The following SLURP2 variants were observed in gnomAD, a reference collection of about 807,000 sequenced individuals.
SLURP2 encodes secreted LY6/PLAUR domain containing 2, also known as secreted Ly-6/uPAR domain-containing protein 2.
Under a neutral mutation model 9.8 loss-of-function variants are expected in SLURP2, and 4 were observed. That is an observed-to-expected ratio of 0.41 (90% CI 0.20 to 0.94). The LOEUF is 0.94. SLURP2 is among the 40% of genes least tolerant of loss of function. The pLI, the probability that SLURP2 is intolerant of heterozygous loss-of-function variation, is 0.32. For synonymous variants in SLURP2, 58 were observed against 56.2 expected (o/e 1.03, Z -0.15); for missense variants, 118 against 126.4 (o/e 0.93, Z 0.32).
In SLURP2 at chr8:142,766,943, G is replaced by T. The variant is rs373284665; in HGVS notation, c.53-1803C>A. 7.0e-4 allele frequency among the ~76,000 whole-genome samples: 106 copies of T among 152,158 alleles called. 1 individual carries two copies. The highest frequency in any genetic ancestry group is 3.4e-3 in the Middle Eastern group (1 of 294). On this transcript the variant is annotated intron_variant, in intron 1 of 2. Transcript: ENST00000317543. ...GGCAGCCCAGCCTCAGGACACAGGAGCCCACGCCTGCCCTATCCCATCTCT... is the reference window on the plus strand; with the variant it reads ...GGCAGCCCAGCCTCAGGACACAGGATCCCACGCCTGCCCTATCCCATCTCT...
rs1206236431 is a variant in SLURP2 at position 142,768,892 on chromosome 8, C to T, written c.52+863G>A. ...CGCTCCACCCCCTGCTCATTCAGGG[C>T]CTGGGAGGCAGGGGCTGCCCAGGTC... On this transcript the variant is annotated intron_variant, in intron 1 of 2. Coordinates refer to ENST00000317543, the MANE Select transcript of SLURP2 (RefSeq NM_177458.3). The surrounding 1 kb of genome is among the most constrained non-coding windows in gnomAD (Gnocchi z 4.8). 6.6e-6 allele frequency among the ~76,000 whole-genome samples: 1 copy of T among 152,160 alleles called. No homozygotes were observed. The highest frequency in any genetic ancestry group is 2.4e-5 in the African/African-American group (1 of 41,448).
chr8:142,768,699 A>G lies in SLURP2; in HGVS notation c.52+1056T>C, dbSNP rs1469705904. Among the ~76,000 whole-genome samples, 1 of 152,110 alleles carries G rather than the reference A, an allele frequency of 6.6e-6. No individual in the cohort carries two copies. Among genetic ancestry groups the G allele is most frequent in the Non-Finnish European group, 1.5e-5 (1 of 67,994 alleles). ...CTTCTCCAGGTTAAGTCGAGTCCCC[A>G]GGCCCCTGTGTGTCTCGGACCTTCA... On this transcript the variant is annotated intron_variant, in intron 1 of 2. Coordinates refer to ENST00000317543, the MANE Select transcript of SLURP2 (RefSeq NM_177458.3). This position sits in a 1 kb window ranked among gnomAD's most constrained non-coding sequence, Gnocchi z 4.8.
intron 1 of SLURP2, among the ~76,000 whole-genome samples, chr8:142,769,173 G>T (rs1815093421): frequency 6.6e-6 from 1 of 151,644 alleles, no homozygotes; most frequent in African/African-American, 2.4e-5. Flanking sequence ...ATCTGAAGCT[G>T]GGGGGACAGG....
chr8:142,767,928 G>C (rs1269563972), intron 1 of SLURP2, among the ~76,000 whole-genome samples: 1 of 151,070 alleles, frequency 6.6e-6, no homozygotes, highest in African/African-American at 2.4e-5. Flanking sequence ...ATGAATGAAT[G>C]AATGAATTCC....
In SLURP2 at chr8:142,769,100, T is replaced by C. The variant is rs73362659; in HGVS notation, c.52+655A>G. 6.5e-3 allele frequency among the ~76,000 whole-genome samples: 984 copies of C among 151,878 alleles called. 9 individuals carry two copies. The highest frequency in any genetic ancestry group is 0.023 in the African/African-American group (951 of 41,400). ...TCTGCTGGGGGATGCCAAGGCCAGGTGTGCACAGCTGTGCTTGAGGGGTCA... is the reference window on the plus strand; with the variant it reads ...TCTGCTGGGGGATGCCAAGGCCAGGCGTGCACAGCTGTGCTTGAGGGGTCA... On this transcript the variant is annotated intron_variant, in intron 1 of 2. Transcript: ENST00000317543.
rs1268991735 is a variant in SLURP2, at chr8:142,764,522, A to C, written c.*83T>G. 1 of 1,425,848 alleles carries C rather than the reference A, an allele frequency of 7.0e-7. No homozygotes were observed. Among genetic ancestry groups the C allele is most frequent in the Non-Finnish European group, 9.7e-7 (1 of 1,034,148 alleles). The allele number at this position is 1,425,848 out of a possible 1,614,324, so 88.3% of individuals were successfully genotyped here. ...GGGAGAGGTGGGCTGGCCAGTCTCG[A>C]GGGAGGGGCAGCTGTGAGCCCTGGC... On this transcript the variant is annotated 3_prime_UTR_variant, in exon 3 of 3. Coordinates refer to ENST00000317543, the MANE Select transcript of SLURP2 (RefSeq NM_177458.3).
In SLURP2 at chr8:142,768,449, G is replaced by A. The variant is rs1815072288; in HGVS notation, c.52+1306C>T. On this transcript the variant is annotated intron_variant, in intron 1 of 2. Transcript: ENST00000317543. The surrounding 1 kb of genome is among the most constrained non-coding windows in gnomAD (Gnocchi z 4.8). ...AGGTGCCCCTGAGAGAGGCTCGCCA[G>A]TCCTCCAACCGGAAGAGCAGTGAGG... Among the ~76,000 whole-genome samples the A allele has an allele frequency of 2.0e-5, 3 of 152,232 alleles. No individual in the cohort carries two copies. The South Asian group carries it at 6.2e-4, about 32-fold the overall frequency.
At chr8:142,767,467 T>C (rs1815040762) in intron 1 of SLURP2, among the ~76,000 whole-genome samples, 1 of 152,058 alleles carries the variant, frequency 6.6e-6, no homozygotes, top group South Asian at 2.1e-4. Context: ...GCAGGGAAGA[T>C]GGGCAGGAGG....
At chr8:142,767,106 G>A (rs1815029998) in intron 1 of SLURP2, among the ~76,000 whole-genome samples, 1 of 152,242 alleles carries the variant, frequency 6.6e-6, no homozygotes, top group Non-Finnish European at 1.5e-5. Context: ...AGACCTCAGT[G>A]CACACCAGGC....
At chr8:142,769,512 G>C (rs1018263338) in intron 1 of SLURP2, among the ~76,000 whole-genome samples, 1 of 143,326 alleles carries the variant, frequency 7.0e-6, no homozygotes, top group South Asian at 2.3e-4. Context: ...GGAAGAGGGG[G>C]GTTTGAGCCA....
chr8:142,765,977 AAAAC>A (rs1814994013), intron 1 of SLURP2, among the ~76,000 whole-genome samples: 2 of 148,404 alleles, frequency 1.3e-5, no homozygotes, highest in Non-Finnish European at 2.9e-5. Flanking sequence ...AAAAAAACAA[AAAAC>A]AAAAAACAAA....
chr8:142,767,806 G>GC (rs1297945945), intron 1 of SLURP2, among the ~76,000 whole-genome samples: 1 of 152,040 alleles, frequency 6.6e-6, no homozygotes, highest in Non-Finnish European at 1.5e-5. Context: ...AAGCATGAGG[G>GC]CCTCTGAGGC....
At chr8:142,767,778 C>T (rs1815048333) in intron 1 of SLURP2, among the ~76,000 whole-genome samples, 1 of 152,030 alleles carries the variant, frequency 6.6e-6, no homozygotes, top group Non-Finnish European at 1.5e-5. Flanking sequence ...GCTCAGGGCT[C>T]CTTCCTCACC....
At chr8:142,765,969 A>C (rs1360079481) in intron 1 of SLURP2, among the ~76,000 whole-genome samples, 1 of 142,926 alleles carries the variant, frequency 7.0e-6, no homozygotes, top group Non-Finnish European at 1.5e-5. Flanking sequence ...CCTCAAAAAA[A>C]AAAACAAAAA....
chr8:142,766,210 A>G (rs1172694373), intron 1 of SLURP2: 1 of 152,186 alleles, frequency 6.6e-6, no homozygotes, highest in African/African-American at 2.4e-5. Context: ...GTCGTAAAAC[A>G]TGTTTTTCCT....
chr8:142,764,492 A>G lies in SLURP2; in HGVS notation c.*113T>C. 1 of 1,097,786 alleles carries G rather than the reference A, an allele frequency of 9.1e-7. No homozygotes were observed. The highest frequency in any genetic ancestry group is 1.3e-6 in the Non-Finnish European group (1 of 743,320). The allele number at this position is 1,097,786 out of a possible 1,614,324, so 68.0% of individuals were successfully genotyped here. On this transcript the variant is annotated 3_prime_UTR_variant, in exon 3 of 3. Transcript: ENST00000317543. The stretch of plus-strand genomic sequence containing the variant: ...AAGCGGTGCTGGACGGTGGCTGCAG[A>G]GGCCGGGAGAGGTGGGCTGGCCAGT...
chr8:142,764,844 C>A (rs1814949531), intron 2 of SLURP2, 103 bp from the exon 3 acceptor site: 39 of 1,437,982 alleles, frequency 2.7e-5, no homozygotes, highest in Non-Finnish European at 3.7e-5. Flanking sequence ...GCCCCAGGTA[C>A]ATGAAGCATA....
In SLURP2 at chr8:142,768,994, C is replaced by T. The variant is rs376488530; in HGVS notation, c.52+761G>A. On this transcript the variant is annotated intron_variant, in intron 1 of 2. Transcript: ENST00000317543. The surrounding 1 kb of genome is among the most constrained non-coding windows in gnomAD (Gnocchi z 4.8). Reference sequence around the variant, plus strand: ...GCTTGGGCTTGGAGGTGCAGGCCACCGGCAGATCAAGGGGCCAGCTGGTTT... The same window carrying T: ...GCTTGGGCTTGGAGGTGCAGGCCACTGGCAGATCAAGGGGCCAGCTGGTTT... 4.3e-4 allele frequency among the ~76,000 whole-genome samples: 66 copies of T among 152,118 alleles called. No homozygotes were observed. Among genetic ancestry groups the T allele is most frequent in the African/African-American group, 1.5e-3 (64 of 41,508 alleles).
At chr8:142,765,670 G>T (rs1216373426) in intron 1 of SLURP2, among the ~76,000 whole-genome samples, 2 of 152,186 alleles carry the variant, frequency 1.3e-5, no homozygotes, top group Non-Finnish European at 2.9e-5. Flanking sequence ...AGAAATTAAA[G>T]AATGTGTAGG....
Sources: allele counts gnomAD v4.1 joint callset (sites outside exome capture counted in the v4.1 genomes callset), GRCh38; gene constraint gnomAD v4.1.1; non-coding constraint Gnocchi (gnomAD v3.1); transcripts MANE v1.5; gene names NCBI Gene and HGNC (gene_info 2026-07-23, HGNC 2026-07-21).